Variants in RCN3 observed in about 807,000 individuals in gnomAD.
RCN3 encodes the protein reticulocalbin 3, also known as reticulocalbin-3.
In RCN3, 41 loss-of-function variants were observed where a neutral mutation model predicts 35.9. The ratio of observed to expected loss-of-function variants is 1.14; its 90% CI spans 0.89 to 1.48. The LOEUF is 1.48. RCN3 is among the 40% of genes most tolerant of loss of function. The pLI is 0.00. For missense variants in RCN3, 451 were observed against 471.3 expected (o/e 0.96, Z 0.40); for synonymous variants, 187 against 193.4 (o/e 0.97, Z 0.27).
intron 3 of RCN3, 53 bp from the exon 4 acceptor site, chr19:49,536,980 G>C: frequency 1.4e-6 from 2 of 1,431,354 alleles, no homozygotes; most frequent in Non-Finnish European, 1.9e-6. Context: ...GTTTTAACCT[G>C]CTTGGCGTTT....
At chr19:49,535,003 C>T (rs1244760542) in intron 3 of RCN3, among the ~76,000 whole-genome samples, 1 of 152,102 alleles carries the variant, frequency 6.6e-6, no homozygotes, top group African/African-American at 2.4e-5. Flanking sequence ...CCCTCCTCTC[C>T]TCTCTGTCCC....
At position 49,529,798 on chromosome 19, in the gene RCN3, C is replaced by T. The variant is rs1032088992; in HGVS notation, c.242+1084C>T. Among the ~76,000 whole-genome samples, 7 of 151,930 alleles carry T rather than the reference C, an allele frequency of 4.6e-5. No individual in the cohort carries two copies. In the South Asian group the frequency reaches 6.2e-4, roughly 14 times the overall value. On this transcript the variant is annotated intron_variant, in intron 2 of 6. Coordinates refer to ENST00000270645, the MANE Select transcript of RCN3 (RefSeq NM_020650.3). ...TTGAGATGGAGTCTCGCTCTGTCAC[C>T]CAGGCTGGAGTGCAGTGGTGCGATC...
In RCN3 at chr19:49,543,094, C is replaced by G; in HGVS notation, c.880-12C>G. The G allele has an allele frequency of 6.2e-7, 1 of 1,611,022 alleles. No homozygotes were observed. The highest frequency in any genetic ancestry group is 1.1e-5 in the South Asian group (1 of 91,008). On this transcript the variant is annotated splice_polypyrimidine_tract_variant and intron_variant, in intron 6 of 6. Transcript: ENST00000270645. The stretch of plus-strand genomic sequence containing the variant: ...CCGTGTTGTCCCCTCTGAACCCTGA[C>G]CCTCCCTCCAGGATGGGCGGCTGAG...
chr19:49,536,855 T>A (rs1452640580), intron 3 of RCN3, among the ~76,000 whole-genome samples, 178 bp from the exon 4 acceptor site: 1 of 151,212 alleles, frequency 6.6e-6, no homozygotes, highest in African/African-American at 2.4e-5. Context: ...ATCTGCCAGC[T>A]TCAGCCTCCC....
At chr19:49,536,607 A>ATTTTTT (rs1164558496) in intron 3 of RCN3, among the ~76,000 whole-genome samples, 1 of 123,496 alleles carries the variant, frequency 8.1e-6, no homozygotes, top group Non-Finnish European at 1.7e-5. Flanking sequence ...GGCTTCTAAA[A>ATTTTTT]TTTTTTTTTT....
At chr19:49,535,873 T>TATATAG (rs1555811318) in intron 3 of RCN3, among the ~76,000 whole-genome samples, 172 of 144,780 alleles carry the variant, frequency 1.2e-3, no homozygotes, top group African/African-American at 4.0e-3. Context: ...TATATATATA[T>TATATAG]ATAGATAGAT....
chr19:49,539,134 C>A lies in RCN3; in HGVS notation c.634C>A (p.Leu212Met). 6.2e-7 allele frequency: 1 copy of A among 1,608,694 alleles called. No individual in the cohort carries two copies. The highest frequency in any genetic ancestry group is 8.5e-7 in the Non-Finnish European group (1 of 1,178,234). The change falls in exon 5 of 7, where the codon CTG becomes ATG. Residue 212 changes from leucine to methionine, a missense_variant. Leu to Met is a conservative substitution (Grantham distance 15). Coordinates refer to ENST00000270645, the MANE Select transcript of RCN3 (RefSeq NM_020650.3). Reference protein sequence around the residue: ...DIVIAETLEDLDRNKDGYVQV... With the variant: ...DIVIAETLEDMDRNKDGYVQV... ...TCTCCTCCAGGAAACCCTGGAGGACCTGGACAGAAACAAAGATGGCTATGT... is the reference window on the plus strand; with the variant it reads ...TCTCCTCCAGGAAACCCTGGAGGACATGGACAGAAACAAAGATGGCTATGT...
At chr19:49,537,737 G>T (rs930446413) in intron 4 of RCN3, among the ~76,000 whole-genome samples, 1 of 151,926 alleles carries the variant, frequency 6.6e-6, no homozygotes, top group Non-Finnish European at 1.5e-5. Flanking sequence ...GACCTCAGGT[G>T]ATCCGCCCGC....
At chr19:49,533,299 G>C (rs989105713) in intron 2 of RCN3, among the ~76,000 whole-genome samples, 1 of 152,190 alleles carries the variant, frequency 6.6e-6, no homozygotes, top group East Asian at 1.9e-4. Flanking sequence ...GCCTGGAGAG[G>C]GCTCTGCTGT....
At chr19:49,532,348 G>T (rs1442532411) in intron 2 of RCN3, among the ~76,000 whole-genome samples, 1 of 151,352 alleles carries the variant, frequency 6.6e-6, no homozygotes, top group Non-Finnish European at 1.5e-5. Context: ...CTTGTGATCC[G>T]CCCTCCTCGG....
chr19:49,529,263 T>G (rs937681492), intron 2 of RCN3, among the ~76,000 whole-genome samples: 1 of 152,166 alleles, frequency 6.6e-6, no homozygotes, highest in African/African-American at 2.4e-5. Flanking sequence ...CGCTCCTTAT[T>G]CTTTTGTCCC....
chr19:49,541,840 T>C (rs111640435), intron 5 of RCN3, among the ~76,000 whole-genome samples: 15,306 of 148,616 alleles, frequency 0.1, 981 homozygotes, highest in African/African-American at 0.18. Flanking sequence ...ATTAGCTGGG[T>C]GTGGTGGCAC....
chr19:49,528,968 G>T (rs1315841799), intron 2 of RCN3, among the ~76,000 whole-genome samples: 1 of 152,068 alleles, frequency 6.6e-6, no homozygotes, highest in African/African-American at 2.4e-5. Flanking sequence ...GATCACTTGA[G>T]GTCAGGAGTT....
rs1309619626 is a variant in RCN3 at position 49,534,330 on chromosome 19, C to T, written c.380C>T (p.Thr127Met). 1 of 1,519,034 alleles carries T rather than the reference C, an allele frequency of 6.6e-7. No individual in the cohort carries two copies. Among genetic ancestry groups the T allele is most frequent in the South Asian group, 1.3e-5 (1 of 79,776 alleles). 94.1% of individuals were successfully genotyped at this position (1,519,034 alleles called of 1,614,324 possible). Residue 127 changes from threonine (T) to methionine (M), a missense_variant, in exon 3 of 7, where the codon ACG (threonine) becomes ATG (methionine). Transcript: ENST00000270645. ...SVSAAWDTYD[T>M]DRDGRVGWEE... ...AGCGCGGCCTGGGACACGTACGACA[C>T]GGACCGCGACGGGCGTGTGGGTTGG...
intron 3 of RCN3, among the ~76,000 whole-genome samples, chr19:49,534,673 A>G (rs113240742): frequency 0.012 from 1,819 of 152,218 alleles, 28 homozygotes; most frequent in African/African-American, 0.041. Context: ...AAGCCACTGA[A>G]CGCACCCAAA....
At chr19:49,537,928 C>T (rs971749508) in intron 4 of RCN3, among the ~76,000 whole-genome samples, 4 of 151,958 alleles carry the variant, frequency 2.6e-5, no homozygotes, top group Non-Finnish European at 5.9e-5. Context: ...CATGAGCCAC[C>T]GTGCCTGGCC....
intron 5 of RCN3, 86 bp from the exon 6 acceptor site, chr19:49,542,467 G>C: frequency 1.0e-6 from 1 of 953,118 alleles, no homozygotes; most frequent in Middle Eastern, 3.2e-4. Context: ...GCCTGGTTCA[G>C]GAAGTATCAG....
In RCN3 at chr19:49,532,206, C is replaced by T. The variant is rs191286429; in HGVS notation, c.243-1987C>T. Among the ~76,000 whole-genome samples the T allele has an allele frequency of 6.8e-5, 9 of 131,878 alleles. No homozygotes were observed. In the East Asian group the frequency reaches 1.7e-3, roughly 25 times the overall value. The allele number at this position is 131,878 out of a possible 152,430, so 86.5% of individuals were successfully genotyped here. ...CTGCAAGCTGCGCCTCCCAGGTTCA[C>T]GCCATTCTCCTGCCTCAGCCTCCCG... On this transcript the variant is annotated intron_variant, in intron 2 of 6. Transcript: ENST00000270645.
rs1471209263 is a variant in RCN3 at position 49,528,654 on chromosome 19, G to A, written c.182G>A (p.Gly61Glu). ...NFQYDHEAFLGREVAKEFDQL... is the reference protein window; with the variant it reads ...NFQYDHEAFLEREVAKEFDQL... ...CAGTACGACCATGAGGCTTTCCTGG[G>A]ACGGGAAGTGGCCAAGGAATTCGAC... Residue 61 changes from glycine to glutamate, a missense_variant, in exon 2 of 7, where the codon GGA (glycine) becomes GAA (glutamate). Coordinates refer to ENST00000270645, the MANE Select transcript of RCN3 (RefSeq NM_020650.3). 6.2e-7 allele frequency: 1 copy of A among 1,611,752 alleles called. No homozygotes were observed. The highest frequency in any genetic ancestry group is 1.3e-5 in the African/African-American group (1 of 74,720).
Sources: gnomAD v4.1 joint callset for allele counts (sites outside exome capture counted in the v4.1 genomes callset) on GRCh38, gnomAD v4.1.1 for gene constraint, MANE v1.5 for transcripts, NCBI Gene and HGNC (gene_info 2026-07-23, HGNC 2026-07-21) for gene names.